AP3B2: variants seen among roughly 807,000 people sequenced by gnomAD.
AP3B2 encodes the protein adaptor related protein complex 3 subunit beta 2.
AP3B2 carries 50 observed loss-of-function variants against 126.9 expected under a neutral mutation model. The ratio of observed to expected loss-of-function variants is 0.39; its 90% CI spans 0.31 to 0.50. The LOEUF (loss-of-function observed/expected upper bound fraction) is 0.50. Among genes scored for constraint, AP3B2 ranks in the 20% least tolerant of loss-of-function variants. The pLI is 0.79. For missense variants in AP3B2, 1,177 were observed against 1,426.4 expected, an observed-to-expected ratio of 0.83 and a Z score of 2.82; for synonymous variants, 541 against 565.0, an observed-to-expected ratio of 0.96 and a Z score of 0.60.
chr15:82,703,032 G>A (rs1008083287), intron 1 of AP3B2, among the ~76,000 whole-genome samples: 2 of 150,622 alleles, frequency 1.3e-5, no homozygotes, highest in African/African-American at 2.4e-5. Flanking sequence ...TCTTAATTTC[G>A]GTTCCTTTCC....
At chr15:82,688,891 C>A in intron 3 of AP3B2, 60 bp from the exon 4 acceptor site, 1 of 1,475,622 alleles carries the variant, frequency 6.8e-7, no homozygotes, top group Non-Finnish European at 9.2e-7. Flanking sequence ...GCCCACCCCC[C>A]TACCCCTGGG....
intron 1 of AP3B2, among the ~76,000 whole-genome samples, chr15:82,697,703 G>T (rs892277437): frequency 6.6e-6 from 1 of 152,198 alleles, no homozygotes; most frequent in African/African-American, 2.4e-5. Context: ...CATTATCTGA[G>T]GCCCTCGCTA....
chr15:82,673,699 A>C (rs2048195120), intron 14 of AP3B2, among the ~76,000 whole-genome samples: 1 of 152,240 alleles, frequency 6.6e-6, no homozygotes, highest in South Asian at 2.1e-4. Context: ...TGGTCTTCTA[A>C]ATGGTGGACT....
At position 82,680,373 on chromosome 15, in the gene AP3B2, G is replaced by C. The variant is rs1044682302; in HGVS notation, c.1055+99C>G. 1.4e-5 allele frequency: 20 copies of C among 1,473,032 alleles called. No homozygotes were observed. The African/African-American group carries it at 2.4e-4, about 17-fold the overall frequency. 91.2% of individuals were successfully genotyped at this position (1,473,032 alleles called of 1,614,324 possible). A position where few individuals can be genotyped will look rare whatever the true frequency, so the allele number is the denominator to read the frequency against. ...ACGGTCAGTGTGGAGCGGGTGGGCA[G>C]AGGTGGAAGCGGCTGGTGGGCGTGA... On this transcript the variant is annotated intron_variant, in intron 8 of 26. Transcript: ENST00000535359. This position sits in a 1 kb window ranked among gnomAD's most constrained non-coding sequence, Gnocchi z 6.1.
At chr15:82,697,207 G>A (rs564794256) in intron 1 of AP3B2, among the ~76,000 whole-genome samples, 2 of 152,188 alleles carry the variant, frequency 1.3e-5, no homozygotes, top group African/African-American at 2.4e-5. Context: ...GGTGGCGGGC[G>A]TCTGTAGTCC....
intron 14 of AP3B2, among the ~76,000 whole-genome samples, chr15:82,669,002 A>T (rs529757778): frequency 6.6e-6 from 1 of 152,310 alleles, no homozygotes; most frequent in Admixed American, 6.5e-5. Flanking sequence ...CACATTACAC[A>T]TGAGTAAGTT....
Position 82,662,163 on chromosome 15 carries a change from C to T in AP3B2, c.2918+5G>A. On this transcript the variant is annotated splice_donor_5th_base_variant and intron_variant, in intron 24 of 26. Coordinates refer to ENST00000535359, the MANE Select transcript of AP3B2 (RefSeq NM_001278512.2). ...TCTCACCCCCACCTCGAGTTGGGCA[C>T]ATACCACAGCTGGAAGTTGGCTGCC... is the stretch of plus-strand genomic sequence containing the variant. 7 of 1,595,472 alleles carry T rather than the reference C, an allele frequency of 4.4e-6. No individual in the cohort carries two copies. The highest frequency in any genetic ancestry group is 6.0e-6 in the Non-Finnish European group (7 of 1,170,340).
At chr15:82,698,004 C>A (rs1046226287) in intron 1 of AP3B2, 1 of 152,712 alleles carries the variant, frequency 6.5e-6, no homozygotes, top group Non-Finnish European at 1.5e-5. Context: ...GAGCTGGGCA[C>A]CAGCTTCCCT....
Position 82,665,477 on chromosome 15 carries a change from G to C in AP3B2, c.1951C>G (p.Pro651Ala), listed in dbSNP as rs766645528. The C allele has an allele frequency of 1.2e-4, 195 of 1,613,006 alleles. No individual in the cohort carries two copies. The South Asian group carries it at 2.1e-3, about 17-fold the overall frequency. ...CTGACCTCCACGTTGCGCACAGATG[G>C]GTCTGGGGCTTCCTCCGGCCAGTCT... is the stretch of plus-strand genomic sequence containing the variant. ...LPDWPEEAPD[P>A]SVRNVEEEDL... Residue 651 changes from proline to alanine, a missense_variant, in exon 16 of 27, where the codon CCA becomes GCA. Physicochemically the swap from Pro to Ala is conservative, Grantham distance 27. Transcript: ENST00000535359. This position sits in a 1 kb window ranked among gnomAD's most constrained non-coding sequence, Gnocchi z 4.4.
At chr15:82,697,402 A>C (rs1378771472) in intron 1 of AP3B2, among the ~76,000 whole-genome samples, 4 of 152,226 alleles carry the variant, frequency 2.6e-5, no homozygotes, top group Non-Finnish European at 5.9e-5. Context: ...TTTAGAAATG[A>C]CAGAAAATCA....
intron 23 of AP3B2, 149 bp from the exon 24 acceptor site, chr15:82,662,401 C>A (rs1232791773): frequency 4.3e-6 from 3 of 703,880 alleles, no homozygotes; most frequent in Non-Finnish European, 7.3e-6. Context: ...GGAGACTGTT[C>A]CCGGTTTCCT....
intron 25 of AP3B2, among the ~76,000 whole-genome samples, chr15:82,660,747 A>G (rs1239223299): frequency 6.6e-6 from 1 of 152,162 alleles, no homozygotes; most frequent in Non-Finnish European, 1.5e-5. Context: ...ATTCATGACT[A>G]ATAACATTTT....
intron 4 of AP3B2, 38 bp downstream of exon 4, chr15:82,688,698 G>C: frequency 6.4e-7 from 1 of 1,562,160 alleles, no homozygotes; most frequent in Non-Finnish European, 8.7e-7. Context: ...CAGCGCCAAC[G>C]AGGCCCAGGC....
rs1363167868 is a variant in AP3B2, at chr15:82,664,455, T to TG, written c.2172dup (p.Ser725GlnfsTer3). 6.2e-7 allele frequency: 1 copy of TG among 1,613,762 alleles called. No individual in the cohort carries two copies. Among genetic ancestry groups the TG allele is most frequent in the Non-Finnish European group, 8.5e-7 (1 of 1,179,852 alleles). On this transcript the variant is annotated frameshift_variant, in exon 19 of 27. Coordinates refer to ENST00000535359, the MANE Select transcript of AP3B2 (RefSeq NM_001278512.2). LOFTEE classifies it high-confidence loss of function. This position sits in a 1 kb window ranked among gnomAD's most constrained non-coding sequence, Gnocchi z 4.5. ...GACTCCCCAGAGCCGCTCTCACTGCTGCTCTTACTGTCCGATTCACTCTCA... is the reference window on the plus strand; with the variant it reads ...GACTCCCCAGAGCCGCTCTCACTGCTGGCTCTTACTGTCCGATTCACTCTCA...
intron 14 of AP3B2, among the ~76,000 whole-genome samples, chr15:82,672,900 C>G (rs2048181831): frequency 6.6e-6 from 1 of 152,226 alleles, no homozygotes; most frequent in African/African-American, 2.4e-5. Context: ...GGGCAGCCCC[C>G]AGCTGACAGC....
intron 14 of AP3B2, among the ~76,000 whole-genome samples, chr15:82,673,781 A>G (rs1384046013): frequency 6.6e-6 from 1 of 152,166 alleles, no homozygotes; most frequent in Non-Finnish European, 1.5e-5. Context: ...TACCTTTAGC[A>G]TATTAAAAAA....
chr15:82,664,764 A>G lies in AP3B2; in HGVS notation c.2137+71T>C. 2 of 1,211,902 alleles carry G rather than the reference A, an allele frequency of 1.7e-6. No individual in the cohort carries two copies. Among genetic ancestry groups the G allele is most frequent in the Non-Finnish European group, 2.4e-6 (2 of 847,710 alleles). The allele number at this position is 1,211,902 out of a possible 1,614,324, so 75.1% of individuals were successfully genotyped here. On this transcript the variant is annotated intron_variant, in intron 18 of 26. Transcript: ENST00000535359. This position sits in a 1 kb window ranked among gnomAD's most constrained non-coding sequence, Gnocchi z 4.5. ...CCTAGACACACAACCATATACATAT[A>G]CCCCTCATATAGTCAGTCACACAGA...
At chr15:82,663,734 C>T (rs2047998934) in intron 20 of AP3B2, 67 bp downstream of exon 20, 2 of 1,597,270 alleles carry the variant, frequency 1.3e-6, no homozygotes, top group African/African-American at 2.7e-5. Flanking sequence ...GATGTCTGGG[C>T]CTGGCCCAGA....
Position 82,663,567 on chromosome 15 carries a change from T to C in AP3B2, c.2490A>G (p.Leu830=). ...TTTACCACCCAAACTCACAATCCTC[T>C]AGATCAAGCAGGGAGATCTCCTTGG... The part of the protein sequence containing the change: ...PATKEISLLD[L]EDFTPPSVQP... Residue 830 remains leucine (L), a synonymous_variant, in exon 21 of 27, where the codon CTA becomes CTG. Coordinates refer to ENST00000535359, the MANE Select transcript of AP3B2 (RefSeq NM_001278512.2). The C allele has an allele frequency of 6.2e-7, 1 of 1,613,710 alleles. No individual in the cohort carries two copies. The highest frequency in any genetic ancestry group is 8.5e-7 in the Non-Finnish European group (1 of 1,179,754).
Sources: gnomAD v4.1 joint callset for allele counts (sites outside exome capture counted in the v4.1 genomes callset) on GRCh38, gnomAD v4.1.1 for gene constraint, Gnocchi (gnomAD v3.1) non-coding constraint, MANE v1.5 for transcripts, NCBI Gene and HGNC (gene_info 2026-07-23, HGNC 2026-07-21) for gene names.